The following UGT1A7 variants were observed in gnomAD, a reference collection of about 807,000 sequenced individuals.
UGT1A7 encodes UDP glucuronosyltransferase family 1 member A7.
UGT1A7 carries 33 observed loss-of-function variants against 45.6 expected under a neutral mutation model. That is an observed-to-expected ratio of 0.72 (90% confidence interval 0.55 to 0.97). UGT1A7 has a LOEUF of 0.97. Ranked by LOEUF, UGT1A7 falls within the 50% of genes least tolerant of loss-of-function variation. The pLI is 0.00. For missense variants in UGT1A7, 684 were observed against 666.2 expected (o/e 1.03, Z -0.29); for synonymous variants, 274 against 250.6 (o/e 1.09, Z -0.88).
chr2:233,760,568 G>A (rs1252353903), intron 1 of UGT1A7: 1 of 1,614,246 alleles, frequency 6.2e-7, no homozygotes, highest in Non-Finnish European at 8.5e-7. Context: ...TCTTTTGTTA[G>A]TCTCGGGCAT....
chr2:233,699,498 C>A (rs899655583), intron 1 of UGT1A7, among the ~76,000 whole-genome samples: 2 of 152,166 alleles, frequency 1.3e-5, no homozygotes, highest in African/African-American at 4.8e-5. Flanking sequence ...ACTTGTAATA[C>A]AAAGAACTGT....
intron 1 of UGT1A7, among the ~76,000 whole-genome samples, chr2:233,724,823 G>C (rs377063392): frequency 1.5e-5 from 2 of 135,304 alleles, no homozygotes; most frequent in Admixed American, 7.3e-5. Context: ...CTGCAATCTC[G>C]GCACTTTGGG....
At chr2:233,762,417 C>T (rs1698066612) in intron 1 of UGT1A7, among the ~76,000 whole-genome samples, 1 of 152,158 alleles carries the variant, frequency 6.6e-6, no homozygotes, top group Admixed American at 6.5e-5. Flanking sequence ...GCTTTTTCTA[C>T]AAAATAGAGT....
chr2:233,690,825 C>G, intron 1 of UGT1A7: 1 of 1,064,826 alleles, frequency 9.4e-7, no homozygotes, highest in Non-Finnish European at 1.1e-6. Context: ...TCAAAGCTCA[C>G]AGGAGAAAGA....
chr2:233,693,483 CTGAG>C lies in UGT1A7; in HGVS notation c.855+10693_855+10696del, dbSNP rs757700333. The C allele has an allele frequency of 1.9e-6, 3 of 1,614,050 alleles. No individual in the cohort carries two copies. In the African/African-American group the frequency reaches 4.0e-5, roughly 22 times the overall value. ...GCCTTACCCTGTGGGGTGATCCTGGCTGAGTATTTGGGCCTACCATCTGTGTACC... is the reference window on the plus strand; with the variant it reads ...GCCTTACCCTGTGGGGTGATCCTGGCTATTTGGGCCTACCATCTGTGTACC... On this transcript the variant is annotated intron_variant, in intron 1 of 4. Transcript: ENST00000373426.
chr2:233,729,222 G>A (rs778525530), intron 1 of UGT1A7: 3 of 1,614,150 alleles, frequency 1.9e-6, no homozygotes, highest in Middle Eastern at 1.7e-4. Flanking sequence ...GAAAGGTGTT[G>A]GTGGTGCCCA....
chr2:233,713,635 T>C (rs1231856899), intron 1 of UGT1A7: 3 of 1,613,986 alleles, frequency 1.9e-6, no homozygotes, highest in Non-Finnish European at 2.5e-6. Flanking sequence ...AAGAACATGC[T>C]CTACCCTCTG....
rs1270909103 is a variant in UGT1A7, at chr2:233,767,175, T to G, written c.987+10T>G. On this transcript the variant is annotated intron_variant, in intron 2 of 4. Transcript: ENST00000373426. Reference sequence around the variant, plus strand: ...CAAAATCCCTCAGACAGTAAGAAGATTCTATACCATGGCCTCATATCTATT... The same window carrying G: ...CAAAATCCCTCAGACAGTAAGAAGAGTCTATACCATGGCCTCATATCTATT... The G allele has an allele frequency of 1.4e-5, 22 of 1,613,924 alleles. No individual in the cohort carries two copies. The highest frequency in any genetic ancestry group is 1.9e-5 in the Non-Finnish European group (22 of 1,180,010).
At chr2:233,757,826 ATGG>A (rs1696730771) in intron 1 of UGT1A7, among the ~76,000 whole-genome samples, 1 of 151,882 alleles carries the variant, frequency 6.6e-6, no homozygotes, top group Non-Finnish European at 1.5e-5. Flanking sequence ...AGTGTGTCTG[ATGG>A]TGGCCTACTA....
At chr2:233,740,578 C>T (rs1384729734) in intron 1 of UGT1A7, 2 of 151,846 alleles carry the variant, frequency 1.3e-5, no homozygotes, top group South Asian at 4.1e-4. Flanking sequence ...TTTTTTGGGA[C>T]CCTAATGAAA....
Position 233,769,884 on chromosome 2 carries a change from C to T in UGT1A7, c.1295+1445C>T, listed in dbSNP as rs1466829536. On this transcript the variant is annotated intron_variant, in intron 4 of 4. Transcript: ENST00000373426. The surrounding 1 kb of genome is among the most constrained non-coding windows in gnomAD (Gnocchi z 4.4). The stretch of plus-strand genomic sequence containing the variant: ...AAAAAAAAAAAAAAAATGAAAAGTC[C>T]ACATAACCTGAGCATCATGTGCCCA... 5.0e-6 allele frequency: 2 copies of T among 403,872 alleles called. No individual in the cohort carries two copies. Among genetic ancestry groups the T allele is most frequent in the Non-Finnish European group, 8.7e-6 (2 of 230,852 alleles). 25.0% of individuals were successfully genotyped at this position (403,872 alleles called of 1,614,324 possible).
chr2:233,743,642 C>T (rs756255073), intron 1 of UGT1A7: 3 of 1,367,306 alleles, frequency 2.2e-6, no homozygotes, highest in South Asian at 1.1e-5. Flanking sequence ...GTCGCGGAAG[C>T]TGAAGACGTA....
chr2:233,692,763 G>GAGAAACACCC, intron 1 of UGT1A7: 1 of 1,239,150 alleles, frequency 8.1e-7, no homozygotes, highest in Non-Finnish European at 1.0e-6. Context: ...TGGAGCTGAA[G>GAGAAACACCC]AGAAACACCC....
chr2:233,690,396 T>C lies in UGT1A7; in HGVS notation c.855+7604T>C, dbSNP rs576943565. 5.3e-6 allele frequency: 6 copies of C among 1,133,506 alleles called. No individual in the cohort carries two copies. In the South Asian group the frequency reaches 8.5e-5, roughly 16 times the overall value. 70.2% of individuals were successfully genotyped at this position (1,133,506 alleles called of 1,614,324 possible). A position where few individuals can be genotyped will look rare whatever the true frequency, so the allele number is the denominator to read the frequency against. On this transcript the variant is annotated intron_variant, in intron 1 of 4. Transcript: ENST00000373426. Reference sequence around the variant, plus strand: ...TAGGGTCCACGTTTCCAGACCTTCCTATTCCCAACATGAAATTACCTTCAT... The same window carrying C: ...TAGGGTCCACGTTTCCAGACCTTCCCATTCCCAACATGAAATTACCTTCAT...
chr2:233,730,673 A>G (rs1217219739), intron 1 of UGT1A7, among the ~76,000 whole-genome samples: 2 of 152,106 alleles, frequency 1.3e-5, no homozygotes, highest in South Asian at 2.1e-4. Flanking sequence ...AGGCAAAGTA[A>G]TGGTTGCATC....
intron 1 of UGT1A7, among the ~76,000 whole-genome samples, chr2:233,707,521 G>A (rs1189449624): frequency 1.5e-5 from 2 of 134,020 alleles, no homozygotes; most frequent in Non-Finnish European, 3.2e-5. Flanking sequence ...GAATTTTACT[G>A]TTTTTCTTTG....
At chr2:233,719,673 A>T (rs770674662) in intron 1 of UGT1A7, 1 of 1,614,074 alleles carries the variant, frequency 6.2e-7, no homozygotes, top group Admixed American at 1.7e-5. Context: ...TGCCAACGGG[A>T]AGCCACTATC....
At chr2:233,750,259 G>C (rs1161591814) in intron 1 of UGT1A7, among the ~76,000 whole-genome samples, 2 of 151,924 alleles carry the variant, frequency 1.3e-5, no homozygotes, top group African/African-American at 2.4e-5. Flanking sequence ...GGTCACCCTT[G>C]CTATGCTTTA....
intron 1 of UGT1A7, among the ~76,000 whole-genome samples, chr2:233,718,467 C>A (rs918689439): frequency 1.3e-5 from 2 of 152,224 alleles, no homozygotes; most frequent in African/African-American, 4.8e-5. Flanking sequence ...ACCTCAGCTG[C>A]AGCCTGATAA....
Sources: allele counts gnomAD v4.1 joint callset (sites outside exome capture counted in the v4.1 genomes callset), GRCh38; gene constraint gnomAD v4.1.1; non-coding constraint Gnocchi (gnomAD v3.1); transcripts MANE v1.5; gene names NCBI Gene and HGNC (gene_info 2026-07-23, HGNC 2026-07-21).